The following LCK variants were observed in gnomAD, a reference collection of about 807,000 sequenced individuals.
LCK encodes tyrosine-protein kinase Lck.
In LCK, 14 loss-of-function variants were observed where a neutral mutation model predicts 64.6. The observed-to-expected ratio is 0.22, with a 90% CI of 0.14 to 0.34. The LOEUF is 0.34. LCK is among the 10% of genes least tolerant of loss of function. LCK has a pLI of 1.00. For synonymous variants in LCK, 277 were observed against 263.6 expected, an observed-to-expected ratio of 1.05 and a Z score of -0.49; for missense variants, 434 against 668.1, an observed-to-expected ratio of 0.65 and a Z score of 3.86.
chr1:32,251,801 G>A lies in LCK; in HGVS notation c.-6+430G>A, dbSNP rs192275177. Among the ~76,000 whole-genome samples the A allele has an allele frequency of 1.2e-4, 18 of 152,108 alleles. No homozygotes were observed. Among genetic ancestry groups the A allele is most frequent in the Non-Finnish European group, 2.2e-4 (15 of 67,978 alleles). Reference sequence around the variant, plus strand: ...TGATGGCTGAGGCTGTGGCCACCCCGCCTGGAGCAGGGTGATGGACAGGCT... The same window carrying A: ...TGATGGCTGAGGCTGTGGCCACCCCACCTGGAGCAGGGTGATGGACAGGCT... On this transcript the variant is annotated intron_variant, in intron 1 of 12. Coordinates refer to ENST00000336890, the MANE Select transcript of LCK (RefSeq NM_005356.5). This position sits in a 1 kb window ranked among gnomAD's most constrained non-coding sequence, Gnocchi z 4.0.
At chr1:32,252,486 C>T (rs566708454) in intron 1 of LCK, among the ~76,000 whole-genome samples, 7 of 152,318 alleles carry the variant, frequency 4.6e-5, no homozygotes, top group South Asian at 2.1e-4. Context: ...ACACACTTTC[C>T]GCCTAGTCAG....
At position 32,275,215 on chromosome 1, in the gene LCK, C is replaced by T; in HGVS notation, c.279-106C>T. 6.8e-7 allele frequency: 1 copy of T among 1,470,416 alleles called. No homozygotes were observed. Among genetic ancestry groups the T allele is most frequent in the Admixed American group, 1.7e-5 (1 of 57,798 alleles). 91.1% of individuals were successfully genotyped at this position (1,470,416 alleles called of 1,614,324 possible). A position where few individuals can be genotyped will look rare whatever the true frequency, so the allele number is the denominator to read the frequency against. ...GGACAAAATTCGAGGCTCAGTATTGCTGAGCCAGGGTTGGGGGAGGCTGGC... is the reference window on the plus strand; with the variant it reads ...GGACAAAATTCGAGGCTCAGTATTGTTGAGCCAGGGTTGGGGGAGGCTGGC... On this transcript the variant is annotated intron_variant, in intron 4 of 12. Transcript: ENST00000336890. The surrounding 1 kb of genome is among the most constrained non-coding windows in gnomAD (Gnocchi z 6.9).
At chr1:32,252,551 G>A (rs960779455) in intron 1 of LCK, among the ~76,000 whole-genome samples, 2 of 152,166 alleles carry the variant, frequency 1.3e-5, no homozygotes, top group Non-Finnish European at 2.9e-5. Flanking sequence ...CTCTTGTGGG[G>A]GCTAGGGAAC....
At chr1:32,260,004 T>C (rs1639727250) in intron 1 of LCK, among the ~76,000 whole-genome samples, 1 of 151,872 alleles carries the variant, frequency 6.6e-6, no homozygotes, top group African/African-American at 2.4e-5. Flanking sequence ...GAAAATGTTT[T>C]AAATGATTCA....
intron 1 of LCK, among the ~76,000 whole-genome samples, chr1:32,259,512 C>T (rs1485280706): frequency 1.3e-5 from 2 of 151,518 alleles, no homozygotes; most frequent in Non-Finnish European, 2.9e-5. Context: ...CCCAGCTCCT[C>T]GGGAGGCTGA....
At chr1:32,274,951 C>G in intron 3 of LCK, 42 bp from the exon 4 acceptor site, 1 of 1,614,168 alleles carries the variant, frequency 6.2e-7, no homozygotes, top group Non-Finnish European at 8.5e-7. Flanking sequence ...GGCTTCCTGC[C>G]GATCCCAGCT....
intron 1 of LCK, among the ~76,000 whole-genome samples, chr1:32,268,545 G>T (rs1181302700): frequency 1.3e-5 from 2 of 151,700 alleles, no homozygotes; most frequent in Admixed American, 1.3e-4. Flanking sequence ...TATCCCTTTT[G>T]TGATTATTAC....
In LCK at chr1:32,256,096, C is replaced by T. The variant is rs146761226; in HGVS notation, c.-6+4725C>T. Among the ~76,000 whole-genome samples, 24 of 151,986 alleles carry T rather than the reference C, an allele frequency of 1.6e-4. 1 individual carries two copies. The highest frequency in any genetic ancestry group is 1.2e-3 in the East Asian group (6 of 5,166). ...TAGCCTGGGCAACATAGCAACACCCCGTCTCTATTAAAACATAATAATAAC... is the reference window on the plus strand; with the variant it reads ...TAGCCTGGGCAACATAGCAACACCCTGTCTCTATTAAAACATAATAATAAC... On this transcript the variant is annotated intron_variant, in intron 1 of 12. Transcript: ENST00000336890.
chr1:32,274,596 G>A, intron 2 of LCK, 141 bp from the exon 3 acceptor site: 1 of 909,562 alleles, frequency 1.1e-6, no homozygotes, highest in Non-Finnish European at 1.7e-6. Flanking sequence ...AATCTCCTAA[G>A]ATCACACAGA....
At chr1:32,279,157 T>A (rs1010278403) in intron 9 of LCK, among the ~76,000 whole-genome samples, 1 of 152,152 alleles carries the variant, frequency 6.6e-6, no homozygotes, top group African/African-American at 2.4e-5. Context: ...AGCATGCCCA[T>A]GGGAGTGTAG....
At chr1:32,283,030 G>C (rs1482690469) in intron 12 of LCK, among the ~76,000 whole-genome samples, 1 of 151,328 alleles carries the variant, frequency 6.6e-6, no homozygotes, top group East Asian at 2.0e-4. Context: ...GGTGGGTCAC[G>C]CCTGCAACCC....
At chr1:32,262,066 T>C (rs1283316935) in intron 1 of LCK, among the ~76,000 whole-genome samples, 3 of 148,668 alleles carry the variant, frequency 2.0e-5, no homozygotes, top group African/African-American at 7.4e-5. Context: ...GTATTTTTAG[T>C]AGAGATGGGG....
At chr1:32,261,208 G>C (rs550630197) in intron 1 of LCK, among the ~76,000 whole-genome samples, 2 of 151,470 alleles carry the variant, frequency 1.3e-5, no homozygotes, top group African/African-American at 4.8e-5. Context: ...TAGGACTACA[G>C]GCAAATGCCA....
At position 32,280,079 on chromosome 1, in the gene LCK, G is replaced by A. The variant is rs1308450186; in HGVS notation, c.1196G>A (p.Gly399Glu). The change falls in exon 12 of 13, where the codon GGG (glycine) becomes GAG (glutamate). Residue 399 changes from glycine to glutamate, a missense_variant and splice_region_variant. Transcript: ENST00000336890. Reference protein sequence around the residue: ...IEDNEYTAREGAKFPIKWTAP... With the variant: ...IEDNEYTAREEAKFPIKWTAP... ...TGACCTCACTCTGCCTCCTCCTTAG[G>A]GGCCAAGTTTCCCATTAAGTGGACA... is the stretch of plus-strand genomic sequence containing the variant. 6.2e-7 allele frequency: 1 copy of A among 1,614,084 alleles called. No homozygotes were observed. Among genetic ancestry groups the A allele is most frequent in the Admixed American group, 1.7e-5 (1 of 59,994 alleles).
At chr1:32,271,551 C>T (rs577232908) in intron 1 of LCK, among the ~76,000 whole-genome samples, 1 of 152,304 alleles carries the variant, frequency 6.6e-6, no homozygotes, top group African/African-American at 2.4e-5. Context: ...GTGGTGCCAG[C>T]TACCCAGGAG....
chr1:32,266,354 C>G (rs980876964), intron 1 of LCK, among the ~76,000 whole-genome samples: 1 of 151,522 alleles, frequency 6.6e-6, no homozygotes, highest in Non-Finnish European at 1.5e-5. Flanking sequence ...AAAAAATAGC[C>G]GGGCACAGTG....
intron 12 of LCK, among the ~76,000 whole-genome samples, chr1:32,282,745 G>A (rs578246716): frequency 6.6e-5 from 10 of 152,218 alleles, no homozygotes; most frequent in African/African-American, 2.2e-4. Flanking sequence ...GGCGGAAGTT[G>A]CAGTGAGCCA....
chr1:32,252,781 T>G (rs1442177619), intron 1 of LCK, among the ~76,000 whole-genome samples: 1 of 152,106 alleles, frequency 6.6e-6, no homozygotes, highest in Non-Finnish European at 1.5e-5. Flanking sequence ...TCTCTTAAGA[T>G]CTGGAAAGCT....
chr1:32,276,929 C>A lies in LCK; in HGVS notation c.964+143C>A. Reference sequence around the variant, plus strand: ...TTTCCTGCCCCCTGGAGACTCACCTCCAGCCGGGCGCGGTGGCTCAGGCCT... The same window carrying A: ...TTTCCTGCCCCCTGGAGACTCACCTACAGCCGGGCGCGGTGGCTCAGGCCT... On this transcript the variant is annotated intron_variant, in intron 9 of 12. Coordinates refer to ENST00000336890, the MANE Select transcript of LCK (RefSeq NM_005356.5). The surrounding 1 kb of genome is among the most constrained non-coding windows in gnomAD (Gnocchi z 4.6). 1.2e-6 allele frequency: 1 copy of A among 860,844 alleles called. No homozygotes were observed. The highest frequency in any genetic ancestry group is 1.7e-6 in the Non-Finnish European group (1 of 598,158). 53.3% of individuals were successfully genotyped at this position (860,844 alleles called of 1,614,324 possible).
Sources: gnomAD v4.1 joint callset for allele counts (sites outside exome capture counted in the v4.1 genomes callset) on GRCh38, gnomAD v4.1.1 for gene constraint, Gnocchi (gnomAD v3.1) non-coding constraint, MANE v1.5 for transcripts, NCBI Gene and HGNC (gene_info 2026-07-23, HGNC 2026-07-21) for gene names.